SPIN1: variants seen among roughly 807,000 people sequenced by gnomAD.
The protein encoded by SPIN1 is spindlin 1.
In SPIN1, 3 loss-of-function variants were observed where a neutral mutation model predicts 26.0. The ratio of observed to expected loss-of-function variants is 0.12; its 90% confidence interval spans 0.05 to 0.30. SPIN1 has a LOEUF of 0.30. Among genes scored for constraint, SPIN1 ranks in the 10% least tolerant of loss-of-function variants. The probability of loss-of-function intolerance (pLI) is 1.00; values close to 1 mark genes in which losing one functional copy is unlikely to be tolerated. For missense variants in SPIN1, 126 were observed against 333.4 expected (o/e 0.38, Z 4.84); for synonymous variants, 101 against 116.5 (o/e 0.87, Z 0.86).
intron 1 of SPIN1, among the ~76,000 whole-genome samples, chr9:88,408,224 G>A (rs1418229627): frequency 6.6e-6 from 1 of 151,126 alleles, no homozygotes; most frequent in African/African-American, 2.4e-5. Context: ...CATTAGTTTC[G>A]AAAAGTTGAC....
intron 1 of SPIN1, chr9:88,410,396 T>G (rs192125710): frequency 1.8e-6 from 1 of 544,546 alleles, no homozygotes; most frequent in East Asian, 4.0e-5. Flanking sequence ...TGAGTATTTG[T>G]CTAAAACATG....
At chr9:88,419,300 C>T (rs983007660) in intron 1 of SPIN1, among the ~76,000 whole-genome samples, 7 of 152,154 alleles carry the variant, frequency 4.6e-5, no homozygotes, top group African/African-American at 1.2e-4. Context: ...CCTGACAAAC[C>T]ACTCACCCCG....
intron 1 of SPIN1, among the ~76,000 whole-genome samples, chr9:88,394,913 C>G (rs757872686): frequency 1.9e-4 from 28 of 151,260 alleles, no homozygotes; most frequent in Admixed American, 3.3e-4. Flanking sequence ...GGGTTCACGC[C>G]ATTCTCCTGC....
intron 1 of SPIN1, among the ~76,000 whole-genome samples, chr9:88,424,748 T>TGAGACTGTGAGAATA (rs1435500022): frequency 1.3e-5 from 2 of 152,138 alleles, no homozygotes; most frequent in African/African-American, 4.8e-5. Context: ...AGGTCTGTGT[T>TGAGACTGTGAGAATA]GAGACTGTGA....
chr9:88,393,735 G>A (rs1168992410), intron 1 of SPIN1, among the ~76,000 whole-genome samples: 4 of 152,060 alleles, frequency 2.6e-5, no homozygotes, highest in East Asian at 1.9e-4. Flanking sequence ...GATTACAGGC[G>A]TCAGCCATCT....
chr9:88,447,459 T>C (rs1391492211), intron 2 of SPIN1, among the ~76,000 whole-genome samples: 2 of 152,150 alleles, frequency 1.3e-5, no homozygotes, highest in Non-Finnish European at 2.9e-5. Flanking sequence ...GTTGATGCCC[T>C]TTCGAGACTG....
intron 2 of SPIN1, among the ~76,000 whole-genome samples, chr9:88,427,636 C>T (rs1198163752): frequency 6.6e-6 from 1 of 150,952 alleles, no homozygotes; most frequent in East Asian, 1.9e-4. Flanking sequence ...GACGGAGTCT[C>T]GCTCTGTCAC....
intron 2 of SPIN1, among the ~76,000 whole-genome samples, chr9:88,437,835 T>G (rs1389918698): frequency 6.6e-6 from 1 of 152,156 alleles, no homozygotes; most frequent in African/African-American, 2.4e-5. Context: ...TTTTCTAGTT[T>G]CCTAAGACAG....
At chr9:88,432,180 G>GCC (rs1288496472) in intron 2 of SPIN1, among the ~76,000 whole-genome samples, 8 of 15,146 alleles carry the variant, frequency 5.3e-4, no homozygotes, top group African/African-American at 1.9e-3. Context: ...TGCCCGTCCC[G>GCC]CCCCCCCCAC....
At chr9:88,427,765 TTTTTTGTA>T (rs1314157683) in intron 2 of SPIN1, among the ~76,000 whole-genome samples, 1 of 151,934 alleles carries the variant, frequency 6.6e-6, no homozygotes, top group African/African-American at 2.4e-5. Flanking sequence ...CCCGGCCAGT[TTTTTTGTA>T]TTTTTAGTAG....
At chr9:88,436,530 C>G (rs1481251424) in intron 2 of SPIN1, among the ~76,000 whole-genome samples, 3 of 152,132 alleles carry the variant, frequency 2.0e-5, no homozygotes, top group African/African-American at 7.2e-5. Flanking sequence ...CCATAGTTTA[C>G]ATTAAGGTTC....
At chr9:88,416,751 G>A (rs1489009961) in intron 1 of SPIN1, 2 of 152,282 alleles carry the variant, frequency 1.3e-5, no homozygotes, top group African/African-American at 2.4e-5. Context: ...AGCCTCCCGA[G>A]TATCTGGGAT....
chr9:88,465,078 CAGGATTTCCTTT>C (rs1301252164), intron 4 of SPIN1, among the ~76,000 whole-genome samples: 1 of 152,178 alleles, frequency 6.6e-6, no homozygotes, highest in African/African-American at 2.4e-5. Flanking sequence ...TAACGTGTGA[CAGGATTTCCTTT>C]AAGGCTGAAA....
intron 1 of SPIN1, among the ~76,000 whole-genome samples, chr9:88,396,246 A>G (rs1170725922): frequency 6.6e-6 from 1 of 151,674 alleles, no homozygotes; most frequent in Non-Finnish European, 1.5e-5. Flanking sequence ...CTCAAAAAAA[A>G]AAAAATTACA....
intron 2 of SPIN1, among the ~76,000 whole-genome samples, chr9:88,447,462 C>G (rs544201805): frequency 1.3e-5 from 2 of 152,024 alleles, no homozygotes; most frequent in South Asian, 2.1e-4. Context: ...GATGCCCTTT[C>G]GAGACTGTTG....
At chr9:88,437,680 C>G (rs59402697) in intron 2 of SPIN1, among the ~76,000 whole-genome samples, 45,436 of 152,054 alleles carry the variant, frequency 0.3, 12,080 homozygotes, top group African/African-American at 0.71. Context: ...CAAAGCGGCT[C>G]TACCGTTTTG....
chr9:88,418,712 A>G (rs1827615854), intron 1 of SPIN1: 1 of 152,202 alleles, frequency 6.6e-6, no homozygotes, highest in East Asian at 1.9e-4. Flanking sequence ...GAGACAATAC[A>G]TTGTCATTGA....
At chr9:88,458,006 T>G (rs999636946) in intron 3 of SPIN1, 1 of 983,818 alleles carries the variant, frequency 1.0e-6, no homozygotes, top group Non-Finnish European at 1.2e-6. Flanking sequence ...TTTTTCTTGT[T>G]TGGTTTTAGT....
In SPIN1 at chr9:88,475,997, A is replaced by G. The variant is rs1334658638; in HGVS notation, c.*720A>G. ...AAGTCCAAATATGAATTATTTGTGA[A>G]CAGTTAATGACCCATATTAGAATTT... On this transcript the variant is annotated 3_prime_UTR_variant, in exon 6 of 6. Coordinates refer to ENST00000375859, the MANE Select transcript of SPIN1 (RefSeq NM_006717.3). 6.6e-6 allele frequency: 1 copy of G among 152,218 alleles called. No homozygotes were observed. Among genetic ancestry groups the G allele is most frequent in the Non-Finnish European group, 1.5e-5 (1 of 68,046 alleles). 9.4% of individuals were successfully genotyped at this position (152,218 alleles called of 1,614,324 possible). A position where few individuals can be genotyped will look rare whatever the true frequency, so the allele number is the denominator to read the frequency against.
Sources: allele counts gnomAD v4.1 joint callset (sites outside exome capture counted in the v4.1 genomes callset), GRCh38; gene constraint gnomAD v4.1.1; transcripts MANE v1.5; gene names NCBI Gene and HGNC (gene_info 2026-07-23, HGNC 2026-07-21).